Variants in NRXN1 observed in about 807,000 individuals in gnomAD.
NRXN1 encodes the protein neurexin 1, also known as neurexin-1.
A neutral mutation model predicts 150.9 loss-of-function variants in NRXN1; 39 were observed. The observed-to-expected ratio is 0.26, with a 90% CI of 0.20 to 0.34. The LOEUF is 0.34. NRXN1 is among the 10% of genes least tolerant of loss of function. NRXN1 has a pLI of 1.00. For synonymous variants in NRXN1, 924 were observed against 757.0 expected (o/e 1.22, Z -3.62); for missense variants, 1,815 against 1,949.9 (o/e 0.93, Z 1.30).
At chr2:50,838,952 A>C (rs1043276495) in intron 5 of NRXN1, among the ~76,000 whole-genome samples, 6 of 152,182 alleles carry the variant, frequency 3.9e-5, no homozygotes, top group African/African-American at 1.4e-4. Flanking sequence ...ACTGAGGTGA[A>C]AAAAGGTGAA....
At chr2:50,495,076 C>G (rs947076387) in intron 15 of NRXN1, among the ~76,000 whole-genome samples, 2 of 151,124 alleles carry the variant, frequency 1.3e-5, no homozygotes, top group African/African-American at 4.9e-5. Context: ...TTTCCAGTTT[C>G]CTAACTCCCC....
intron 15 of NRXN1, 62 bp downstream of exon 15, chr2:50,495,843 T>C: frequency 7.0e-7 from 1 of 1,434,388 alleles, no homozygotes; most frequent in Non-Finnish European, 9.4e-7. Flanking sequence ...AGCAAAGGAT[T>C]TTCCATGTGA....
intron 13 of NRXN1, among the ~76,000 whole-genome samples, chr2:50,503,950 G>A (rs768896686): frequency 2.0e-4 from 30 of 152,104 alleles, no homozygotes; most frequent in Non-Finnish European, 3.7e-4. Flanking sequence ...CATCAACAAC[G>A]CGGTATTTCA....
intron 5 of NRXN1, among the ~76,000 whole-genome samples, chr2:50,890,466 G>T (rs1473384303): frequency 6.6e-6 from 1 of 151,608 alleles, no homozygotes; most frequent in Non-Finnish European, 1.5e-5. Context: ...TTTAAGGAGT[G>T]AAAATTTATT....
intron 20 of NRXN1, 69 bp downstream of exon 20, chr2:50,054,886 T>G (rs1693364092): frequency 1.1e-5 from 11 of 991,666 alleles, no homozygotes. Flanking sequence ...TTATTAGTGT[T>G]ACAATGAAGT....
At chr2:50,964,539 C>T (rs969592233) in intron 2 of NRXN1, among the ~76,000 whole-genome samples, 2 of 151,370 alleles carry the variant, frequency 1.3e-5, no homozygotes, top group African/African-American at 4.8e-5. Context: ...TACAGATATT[C>T]AGATGTTTAA....
intron 17 of NRXN1, among the ~76,000 whole-genome samples, chr2:50,242,650 T>A (rs547118787): frequency 6.6e-6 from 1 of 151,726 alleles, no homozygotes; most frequent in African/African-American, 2.4e-5. Flanking sequence ...TAATTACTAA[T>A]ATTGAGAAGT....
intron 5 of NRXN1, among the ~76,000 whole-genome samples, chr2:50,676,224 G>T (rs546440257): frequency 6.6e-6 from 1 of 152,190 alleles, no homozygotes; most frequent in Admixed American, 6.5e-5. Flanking sequence ...CTTCTGTCAT[G>T]ATTGTAAGCT....
At chr2:50,504,989 A>T (rs969024822) in intron 13 of NRXN1, among the ~76,000 whole-genome samples, 1 of 152,160 alleles carries the variant, frequency 6.6e-6, no homozygotes, top group Non-Finnish European at 1.5e-5. Context: ...CAAGTTCCTT[A>T]ACTTCTCTTC....
chr2:50,629,431 G>T (rs1479159353), intron 5 of NRXN1, among the ~76,000 whole-genome samples: 1 of 151,616 alleles, frequency 6.6e-6, no homozygotes, highest in East Asian at 1.9e-4. Context: ...ACTAGCCTCT[G>T]TTGTTGTAAA....
chr2:50,926,928 G>T (rs185858327), intron 2 of NRXN1, among the ~76,000 whole-genome samples: 18 of 151,916 alleles, frequency 1.2e-4, no homozygotes, highest in African/African-American at 3.6e-4. Flanking sequence ...GTACCTAGTG[G>T]AAAATTCAAG....
At chr2:50,087,690 G>C (rs1698984355) in intron 19 of NRXN1, among the ~76,000 whole-genome samples, 1 of 151,922 alleles carries the variant, frequency 6.6e-6, no homozygotes, top group African/African-American at 2.4e-5. Context: ...ATGGATACTA[G>C]GTCTTCTATT....
chr2:50,645,793 A>C (rs1316004165), intron 5 of NRXN1, among the ~76,000 whole-genome samples: 3 of 151,984 alleles, frequency 2.0e-5, no homozygotes, highest in African/African-American at 7.2e-5. Context: ...ATCCAGCTTG[A>C]TTACAGAGCT....
intron 5 of NRXN1, among the ~76,000 whole-genome samples, chr2:50,836,702 T>C (rs1479931901): frequency 6.6e-6 from 1 of 152,072 alleles, no homozygotes; most frequent in East Asian, 1.9e-4. Flanking sequence ...TACCACATTT[T>C]TTTAATCCAT....
intron 5 of NRXN1, among the ~76,000 whole-genome samples, chr2:50,677,380 G>C (rs1344519129): frequency 6.6e-6 from 1 of 152,130 alleles, no homozygotes; most frequent in African/African-American, 2.4e-5. Flanking sequence ...ATTTTAACGT[G>C]AGGATACAAA....
chr2:50,605,375 C>A (rs973370987), intron 8 of NRXN1, among the ~76,000 whole-genome samples: 3 of 151,858 alleles, frequency 2.0e-5, no homozygotes, highest in Admixed American at 1.3e-4. Context: ...TCAGTGAGGG[C>A]TTGTAGAATA....
At chr2:50,373,872 G>C (rs1162508917) in intron 17 of NRXN1, among the ~76,000 whole-genome samples, 1 of 151,962 alleles carries the variant, frequency 6.6e-6, no homozygotes, top group Non-Finnish European at 1.5e-5. Flanking sequence ...TTGCTTTTGA[G>C]TTCTTGTATT....
intron 5 of NRXN1, among the ~76,000 whole-genome samples, chr2:50,760,591 C>CTTA (rs1701693589): frequency 6.6e-6 from 1 of 151,802 alleles, no homozygotes; most frequent in Non-Finnish European, 1.5e-5. Context: ...AGGTACTAGC[C>CTTA]ACTCTAACCA....
At chr2:50,540,604 A>G (rs2093366373) in intron 9 of NRXN1, among the ~76,000 whole-genome samples, 2 of 152,108 alleles carry the variant, frequency 1.3e-5, no homozygotes, top group Admixed American at 1.3e-4. Context: ...GGACACTTTA[A>G]AAAGCACATA....
Sources: gnomAD v4.1 joint callset for allele counts (sites outside exome capture counted in the v4.1 genomes callset) on GRCh38, gnomAD v4.1.1 for gene constraint, MANE v1.5 for transcripts, NCBI Gene and HGNC (gene_info 2026-07-23, HGNC 2026-07-21) for gene names.